SLC39A11: variants seen among roughly 807,000 people sequenced by gnomAD.
SLC39A11 encodes solute carrier family 39 member 11, also known as zinc transporter ZIP11.
In SLC39A11, 33 loss-of-function variants were observed where a neutral mutation model predicts 36.1. That is an observed-to-expected ratio of 0.91 (90% CI 0.69 to 1.22). The LOEUF is 1.22. Ranked by LOEUF, SLC39A11 falls within the 50% of genes most tolerant of loss-of-function variation. SLC39A11 has a pLI of 0.00. For synonymous variants in SLC39A11, 166 were observed against 170.3 expected (o/e 0.97, Z 0.20); for missense variants, 432 against 430.3 (o/e 1.00, Z -0.03).
At chr17:72,939,779 T>C (rs917830191) in intron 5 of SLC39A11, among the ~76,000 whole-genome samples, 8 of 152,168 alleles carry the variant, frequency 5.3e-5, no homozygotes, top group African/African-American at 1.9e-4. Context: ...CCTCCAAAAC[T>C]GTAAGGGAAT....
chr17:72,888,948 A>G (rs111762917), intron 5 of SLC39A11, among the ~76,000 whole-genome samples: 564 of 152,288 alleles, frequency 3.7e-3, no homozygotes, highest in Non-Finnish European at 5.6e-3. Flanking sequence ...AGACAGGAGT[A>G]ACTAGATACA....
intron 5 of SLC39A11, among the ~76,000 whole-genome samples, chr17:72,851,546 T>G (rs888277767): frequency 2.6e-5 from 4 of 152,240 alleles, no homozygotes; most frequent in African/African-American, 4.8e-5. Context: ...GGCTGTACTT[T>G]GAGTTGCTTC....
At chr17:72,835,940 A>G (rs547939413) in intron 6 of SLC39A11, among the ~76,000 whole-genome samples, 127 of 152,102 alleles carry the variant, frequency 8.3e-4, no homozygotes, top group African/African-American at 2.9e-3. Flanking sequence ...TGCTTGTCCT[A>G]TGCCTGTGGG....
At chr17:72,942,173 C>T (rs1469054736) in intron 5 of SLC39A11, among the ~76,000 whole-genome samples, 2 of 151,768 alleles carry the variant, frequency 1.3e-5, no homozygotes, top group East Asian at 1.9e-4. Context: ...TGGGATTACA[C>T]GTGCATTCTC....
chr17:72,916,296 C>A lies in SLC39A11; in HGVS notation c.430+31456G>T, dbSNP rs375026679. Among the ~76,000 whole-genome samples, 4 of 152,260 alleles carry A rather than the reference C, an allele frequency of 2.6e-5. No homozygotes were observed. The East Asian group carries it at 7.7e-4, about 29-fold the overall frequency. On this transcript the variant is annotated intron_variant, in intron 5 of 9. Transcript: ENST00000255559. Reference sequence around the variant, plus strand: ...AAGAGGGAAAAAAGAGACCTTAAACCACTATTTGATCACCTTAAGCATAAA... The same window carrying A: ...AAGAGGGAAAAAAGAGACCTTAAACAACTATTTGATCACCTTAAGCATAAA...
chr17:72,789,784 G>A (rs548421373), intron 6 of SLC39A11, among the ~76,000 whole-genome samples: 2 of 152,342 alleles, frequency 1.3e-5, no homozygotes, highest in South Asian at 2.1e-4. Flanking sequence ...TATCCAGGCC[G>A]AGAGTCAGGC....
At chr17:72,675,469 C>G (rs915276651) in intron 7 of SLC39A11, among the ~76,000 whole-genome samples, 3 of 152,140 alleles carry the variant, frequency 2.0e-5, no homozygotes, top group Non-Finnish European at 4.4e-5. Flanking sequence ...GTTTTGGTAG[C>G]CCAAATGGAC....
chr17:72,871,012 C>T lies in SLC39A11; in HGVS notation c.431-21208G>A, dbSNP rs531474064. Reference sequence around the variant, plus strand: ...GAGTCTTTTGTTATTCATAACAAGCCCTTTTCTGGTTTTTGGTTTTTTTTG... The same window carrying T: ...GAGTCTTTTGTTATTCATAACAAGCTCTTTTCTGGTTTTTGGTTTTTTTTG... On this transcript the variant is annotated intron_variant, in intron 5 of 9. Coordinates refer to ENST00000255559, the MANE Select transcript of SLC39A11 (RefSeq NM_139177.4). 2.6e-5 allele frequency among the ~76,000 whole-genome samples: 4 copies of T among 151,330 alleles called. 1 individual carries two copies. In the East Asian group the frequency reaches 7.8e-4, roughly 29 times the overall value.
rs2072571240 is a variant in SLC39A11 at position 72,700,755 on chromosome 17, G to A, written c.671+35895C>T. On this transcript the variant is annotated intron_variant, in intron 7 of 9. Transcript: ENST00000255559. ...GGGAGGCCTCACAGTCATGGCAGAA[G>A]GTGAAAGGCACATCTCACATGGCGG... Among the ~76,000 whole-genome samples the A allele has an allele frequency of 2.0e-5, 3 of 152,214 alleles. No individual in the cohort carries two copies. The South Asian group carries it at 6.2e-4, about 32-fold the overall frequency.
intron 7 of SLC39A11, among the ~76,000 whole-genome samples, chr17:72,669,186 AC>A (rs1341575920): frequency 6.6e-6 from 1 of 152,150 alleles, no homozygotes; most frequent in African/African-American, 2.4e-5. Context: ...AGGTTGCTCT[AC>A]CTCAAGACTT....
intron 6 of SLC39A11, among the ~76,000 whole-genome samples, chr17:72,822,315 AAT>A (rs71354895): frequency 2.0e-5 from 3 of 146,466 alleles, no homozygotes; most frequent in African/African-American, 7.4e-5. Context: ...AGAGAGATAT[AAT>A]ATATATATAG....
intron 6 of SLC39A11, among the ~76,000 whole-genome samples, chr17:72,767,422 G>C (rs888071849): frequency 6.6e-6 from 1 of 152,180 alleles, no homozygotes; most frequent in Non-Finnish European, 1.5e-5. Context: ...TGAGGGCTGG[G>C]GCAGACTGCA....
At chr17:73,051,251 T>A (rs1032776606) in intron 3 of SLC39A11, among the ~76,000 whole-genome samples, 1 of 152,158 alleles carries the variant, frequency 6.6e-6, no homozygotes, top group Non-Finnish European at 1.5e-5. Flanking sequence ...CCTCTTCTTA[T>A]AAGGACACCA....
intron 4 of SLC39A11, among the ~76,000 whole-genome samples, chr17:73,017,749 T>G (rs1463692609): frequency 6.6e-6 from 1 of 152,002 alleles, no homozygotes; most frequent in Non-Finnish European, 1.5e-5. Flanking sequence ...AAAAATAAAA[T>G]TCAGGACTGC....
chr17:72,997,933 C>G (rs954108986), intron 4 of SLC39A11, among the ~76,000 whole-genome samples: 1 of 152,118 alleles, frequency 6.6e-6, no homozygotes, highest in African/African-American at 2.4e-5. Flanking sequence ...TAAAATGCTT[C>G]CTTTAGATGA....
intron 5 of SLC39A11, among the ~76,000 whole-genome samples, chr17:72,934,159 T>C (rs985414076): frequency 1.3e-5 from 2 of 151,530 alleles, no homozygotes; most frequent in Non-Finnish European, 2.9e-5. Flanking sequence ...CTTTGCAAAC[T>C]TAAGTTATGC....
At chr17:72,696,510 G>T (rs1011134995) in intron 7 of SLC39A11, among the ~76,000 whole-genome samples, 1 of 152,116 alleles carries the variant, frequency 6.6e-6, no homozygotes, top group East Asian at 1.9e-4. Flanking sequence ...TTCCTGTTCC[G>T]CTGGGCTTAA....
At chr17:72,728,180 C>T (rs1210608524) in intron 7 of SLC39A11, among the ~76,000 whole-genome samples, 1 of 152,156 alleles carries the variant, frequency 6.6e-6, no homozygotes, top group African/African-American at 2.4e-5. Context: ...GGTGTGGTGG[C>T]TCACGCCTGT....
At chr17:72,901,786 G>A (rs955906078) in intron 5 of SLC39A11, among the ~76,000 whole-genome samples, 3 of 152,192 alleles carry the variant, frequency 2.0e-5, no homozygotes, top group African/African-American at 7.2e-5. Context: ...ACTCTTAACA[G>A]GGTTGATTAT....
Sources: allele counts gnomAD v4.1 joint callset (sites outside exome capture counted in the v4.1 genomes callset), GRCh38; gene constraint gnomAD v4.1.1; transcripts MANE v1.5; gene names NCBI Gene and HGNC (gene_info 2026-07-23, HGNC 2026-07-21).